Variants in STK33 observed in about 807,000 individuals in gnomAD.
STK33 encodes serine/threonine-protein kinase 33.
In STK33, 52 loss-of-function variants were observed where a neutral mutation model predicts 58.0. That is an observed-to-expected ratio of 0.90 (90% CI 0.72 to 1.13). The LOEUF (loss-of-function observed/expected upper bound fraction) is 1.13. STK33 is among the 50% of genes most tolerant of loss of function. The pLI is 0.00. For missense variants in STK33, 630 were observed against 604.2 expected, an observed-to-expected ratio of 1.04 and a Z score of -0.45; for synonymous variants, 215 against 200.1, an observed-to-expected ratio of 1.07 and a Z score of -0.63.
chr11:8,514,825 TA>T (rs766129861), intron 1 of STK33, among the ~76,000 whole-genome samples: 18 of 152,202 alleles, frequency 1.2e-4, no homozygotes, highest in Non-Finnish European at 2.6e-4. Context: ...GCCACATGAC[TA>T]GACAAGCAAA....
chr11:8,436,550 T>G (rs1944089880), intron 12 of STK33, among the ~76,000 whole-genome samples: 1 of 152,178 alleles, frequency 6.6e-6, no homozygotes, highest in Admixed American at 6.5e-5. Context: ...AGGAACATAA[T>G]GCAAATTGAC....
At chr11:8,525,233 T>C (rs1188945715) in intron 1 of STK33, among the ~76,000 whole-genome samples, 1 of 152,174 alleles carries the variant, frequency 6.6e-6, no homozygotes, top group East Asian at 1.9e-4. Context: ...CCAATAGGTG[T>C]GTATATGCAT....
intron 1 of STK33, among the ~76,000 whole-genome samples, chr11:8,509,058 G>A (rs1306491107): frequency 6.8e-6 from 1 of 147,524 alleles, no homozygotes; most frequent in East Asian, 2.1e-4. Flanking sequence ...GGAGGTTTTG[G>A]TGAGCCAAGG....
chr11:8,351,470 C>T, the STK33 span, among the ~76,000 whole-genome samples: 12 of 152,326 alleles, frequency 7.9e-5, no homozygotes, highest in Admixed American at 7.2e-4. Context: ...TTAGGGCAGC[C>T]GGGGCTCTGC....
intron 14 of STK33, among the ~76,000 whole-genome samples, chr11:8,425,843 G>T (rs1415758195): frequency 6.6e-6 from 1 of 152,106 alleles, no homozygotes; most frequent in Non-Finnish European, 1.5e-5. Flanking sequence ...GCAGTGGGGG[G>T]TGTGGCTCGC....
chr11:8,486,799 C>A (rs528944234), intron 1 of STK33, among the ~76,000 whole-genome samples: 3 of 152,178 alleles, frequency 2.0e-5, no homozygotes, highest in African/African-American at 7.2e-5. Flanking sequence ...GAAATTGTGG[C>A]CTTAACTAGG....
At chr11:8,573,225 C>T (rs942780447) in intron 1 of STK33, among the ~76,000 whole-genome samples, 1 of 152,042 alleles carries the variant, frequency 6.6e-6, no homozygotes, top group Non-Finnish European at 1.5e-5. Flanking sequence ...CTAAAACATA[C>T]AAAGAATGTC....
chr11:8,447,427 G>C lies in STK33; in HGVS notation c.871+5395C>G, dbSNP rs542752344. On this transcript the variant is annotated intron_variant, in intron 11 of 15. Transcript: ENST00000687296. ...ACCAAATCCAGCAGCACATCAAAAA[G>C]CTTATCCACCATGATCAAGTGGGCT... 3.3e-5 allele frequency among the ~76,000 whole-genome samples: 5 copies of C among 152,242 alleles called. No individual in the cohort carries two copies. The South Asian group carries it at 8.3e-4, about 25-fold the overall frequency.
At chr11:8,413,895 G>A (rs556481805) in intron 14 of STK33, among the ~76,000 whole-genome samples, 7 of 152,198 alleles carry the variant, frequency 4.6e-5, no homozygotes, top group African/African-American at 7.2e-5. Flanking sequence ...ATGATATCAC[G>A]TGTAATATGT....
At chr11:8,416,428 G>A (rs1193214482) in intron 14 of STK33, among the ~76,000 whole-genome samples, 3 of 151,766 alleles carry the variant, frequency 2.0e-5, no homozygotes, top group Admixed American at 2.0e-4. Context: ...CTTTACTTTT[G>A]TCTCATTTCC....
At chr11:8,551,388 C>T (rs904635120) in intron 1 of STK33, among the ~76,000 whole-genome samples, 1 of 152,110 alleles carries the variant, frequency 6.6e-6, no homozygotes, top group African/African-American at 2.4e-5. Flanking sequence ...CCTCAGACTC[C>T]CAAAGTGCTA....
At chr11:8,416,931 T>C (rs1941220189) in intron 14 of STK33, among the ~76,000 whole-genome samples, 1 of 152,162 alleles carries the variant, frequency 6.6e-6, no homozygotes, top group South Asian at 2.1e-4. Flanking sequence ...ACCACCTACT[T>C]CTTGCTTGCT....
intron 1 of STK33, among the ~76,000 whole-genome samples, chr11:8,530,016 G>T (rs1176862957): frequency 6.6e-6 from 1 of 152,176 alleles, no homozygotes; most frequent in African/African-American, 2.4e-5. Context: ...GGTCTTCCTG[G>T]CCCAGATGAG....
the STK33 span, among the ~76,000 whole-genome samples, chr11:8,343,003 C>A: frequency 6.6e-6 from 1 of 152,220 alleles, no homozygotes; most frequent in Non-Finnish European, 1.5e-5. Flanking sequence ...CAGGCATTTG[C>A]ATCCACTGAT....
chr11:8,420,763 G>A (rs1223854775), intron 14 of STK33, among the ~76,000 whole-genome samples: 1 of 152,176 alleles, frequency 6.6e-6, no homozygotes, highest in East Asian at 1.9e-4. Flanking sequence ...TTGGGAGGAT[G>A]AGGCCAGAGG....
chr11:8,492,511 C>T (rs1171161943), intron 1 of STK33, among the ~76,000 whole-genome samples: 1 of 152,098 alleles, frequency 6.6e-6, no homozygotes, highest in Non-Finnish European at 1.5e-5. Flanking sequence ...GACTATAACA[C>T]CCCACTGTCA....
intron 1 of STK33, among the ~76,000 whole-genome samples, chr11:8,519,232 G>A (rs2991660): frequency 1.3e-5 from 2 of 151,778 alleles, no homozygotes; most frequent in Non-Finnish European, 2.9e-5. Context: ...AACCTGCTCC[G>A]GAATGACTAC....
chr11:8,587,094 C>T (rs2031790492), intron 1 of STK33, among the ~76,000 whole-genome samples: 1 of 151,888 alleles, frequency 6.6e-6, no homozygotes, highest in Non-Finnish European at 1.5e-5. Context: ...AGTAGGTGAT[C>T]AACAAAAACA....
chr11:8,479,704 G>A lies in STK33; in HGVS notation c.-261+706C>T, dbSNP rs181651430. 4.1e-3 allele frequency among the ~76,000 whole-genome samples: 630 copies of A among 152,126 alleles called. 7 individuals are homozygous for A. The highest frequency in any genetic ancestry group is 0.014 in the African/African-American group (601 of 41,520). On this transcript the variant is annotated intron_variant, in intron 2 of 15. Transcript: ENST00000687296. ...CAAAAAATACAAAAATTAGCCAGTC[G>A]TGGTGGTGTGCTCCTGTAGTCCCAG...
Sources: allele counts gnomAD v4.1 joint callset (sites outside exome capture counted in the v4.1 genomes callset), GRCh38; gene constraint gnomAD v4.1.1; transcripts MANE v1.5; gene names NCBI Gene and HGNC (gene_info 2026-07-23, HGNC 2026-07-21).